PIK3C3: variants seen among roughly 807,000 people sequenced by gnomAD.
PIK3C3 encodes phosphatidylinositol 3-kinase catalytic subunit type 3.
PIK3C3 carries 95 observed loss-of-function variants against 126.1 expected under a neutral mutation model. That is an observed-to-expected ratio of 0.75 (90% CI 0.64 to 0.89). PIK3C3 has a LOEUF of 0.89. Among genes scored for constraint, PIK3C3 ranks in the 40% least tolerant of loss-of-function variants. PIK3C3 has a pLI of 0.00. For synonymous variants in PIK3C3, 374 were observed against 360.0 expected (o/e 1.04, Z -0.44); for missense variants, 829 against 1,063.2 (o/e 0.78, Z 3.06).
chr18:42,055,263 C>T (rs1985013168), intron 21 of PIK3C3, among the ~76,000 whole-genome samples: 1 of 152,032 alleles, frequency 6.6e-6, no homozygotes, highest in Admixed American at 6.6e-5. Flanking sequence ...CATGCCAGCT[C>T]CTTTTCGCCT....
At position 42,083,436 on chromosome 18, in the gene PIK3C3, G is replaced by GT. The variant is rs1342415155; in HGVS notation, c.*2300dup. The stretch of plus-strand genomic sequence containing the variant: ...GATTTCTGAGAGGAGAAGAGAGAAT[G>GT]TAGATGGCAGTTATTGAGAGTGGGG... On this transcript the variant is annotated 3_prime_UTR_variant, in exon 25 of 25. Transcript: ENST00000262039. 2 of 152,164 alleles carry GT rather than the reference G, an allele frequency of 1.3e-5. No individual in the cohort carries two copies. Among genetic ancestry groups the GT allele is most frequent in the African/African-American group, 4.8e-5 (2 of 41,436 alleles). The allele number at this position is 152,164 out of a possible 1,614,324, so 9.4% of individuals were successfully genotyped here. A position where few individuals can be genotyped will look rare whatever the true frequency, so the allele number is the denominator to read the frequency against.
Position 42,046,182 on chromosome 18 carries a change from T to G in PIK3C3, c.2188+2365T>G, listed in dbSNP as rs139186110. Among the ~76,000 whole-genome samples the G allele has an allele frequency of 2.3e-3, 348 of 152,324 alleles. 2 individuals carry two copies. Among genetic ancestry groups the G allele is most frequent in the Non-Finnish European group, 3.8e-3 (257 of 68,000 alleles). The stretch of plus-strand genomic sequence containing the variant: ...TTTTCCAACATTTCACATGTATTCA[T>G]TCCTCTGTAAGTGATTTAATGGTAG... On this transcript the variant is annotated intron_variant, in intron 20 of 24. Transcript: ENST00000262039.
chr18:42,072,970 T>C (rs1346691274), intron 24 of PIK3C3, among the ~76,000 whole-genome samples: 1 of 152,202 alleles, frequency 6.6e-6, no homozygotes, highest in Non-Finnish European at 1.5e-5. Flanking sequence ...TTCCTGTTTC[T>C]GCTTCTCCCT....
At chr18:42,040,342 T>C (rs544680068) in intron 18 of PIK3C3, among the ~76,000 whole-genome samples, 5 of 152,212 alleles carry the variant, frequency 3.3e-5, no homozygotes, top group African/African-American at 1.2e-4. Context: ...TGGAATATTT[T>C]AATTGGTATA....
rs1333455731 is a variant in PIK3C3, at chr18:41,990,404, C to T, written c.619-55C>T. On this transcript the variant is annotated intron_variant, in intron 5 of 24. Transcript: ENST00000262039. Reference sequence around the variant, plus strand: ...TTAGGAAAAATGATACATACTGATCCTTTAAGAGAATGTTGAAAATAATCA... The same window carrying T: ...TTAGGAAAAATGATACATACTGATCTTTTAAGAGAATGTTGAAAATAATCA... The T allele has an allele frequency of 4.0e-6, 4 of 999,206 alleles. No homozygotes were observed. The East Asian group carries it at 7.3e-5, about 18-fold the overall frequency. 61.9% of individuals were successfully genotyped at this position (999,206 alleles called of 1,614,324 possible). A position where few individuals can be genotyped will look rare whatever the true frequency, so the allele number is the denominator to read the frequency against.
chr18:42,061,924 A>T (rs1434056212), intron 22 of PIK3C3, among the ~76,000 whole-genome samples: 1 of 151,776 alleles, frequency 6.6e-6, no homozygotes, highest in Non-Finnish European at 1.5e-5. Flanking sequence ...TTTTTTTTTA[A>T]CATTGATCCT....
chr18:41,985,536 T>G (rs1365587345), intron 4 of PIK3C3, among the ~76,000 whole-genome samples: 4 of 152,198 alleles, frequency 2.6e-5, no homozygotes, highest in Admixed American at 2.6e-4. Flanking sequence ...CAGATTTTTC[T>G]CATTCTTTTT....
chr18:41,969,201 T>C (rs1316847821), intron 3 of PIK3C3, among the ~76,000 whole-genome samples: 1 of 152,158 alleles, frequency 6.6e-6, no homozygotes, highest in Non-Finnish European at 1.5e-5. Flanking sequence ...CACACACTTC[T>C]AGTTTTTTTC....
At chr18:42,006,283 C>T (rs1321564274) in intron 10 of PIK3C3, among the ~76,000 whole-genome samples, 1 of 145,478 alleles carries the variant, frequency 6.9e-6, no homozygotes, top group Non-Finnish European at 1.5e-5. Context: ...TGCAGTATAG[C>T]ACCCTCCTGG....
At chr18:42,048,160 A>G (rs1238128999) in intron 20 of PIK3C3, among the ~76,000 whole-genome samples, 1 of 152,202 alleles carries the variant, frequency 6.6e-6, no homozygotes, top group Non-Finnish European at 1.5e-5. Context: ...AACATAATGT[A>G]CCTATAGTGA....
intron 13 of PIK3C3, chr18:42,026,376 T>C (rs1388915555): frequency 6.6e-6 from 1 of 152,220 alleles, no homozygotes; most frequent in Admixed American, 6.5e-5. Flanking sequence ...TATTAACATA[T>C]TGCTCACAGG....
rs1358862388 is a variant in PIK3C3 at position 42,001,241 on chromosome 18, A to G, written c.985-3115A>G. ...AATAACTGATAATAAACTATTTACT[A>G]TAGGATACTGTTACAAACATTTTAC... On this transcript the variant is annotated intron_variant, in intron 9 of 24. Coordinates refer to ENST00000262039, the MANE Select transcript of PIK3C3 (RefSeq NM_002647.4). 3.3e-5 allele frequency among the ~76,000 whole-genome samples: 5 copies of G among 152,228 alleles called. No individual in the cohort carries two copies. In the South Asian group the frequency reaches 6.2e-4, roughly 19 times the overall value.
chr18:42,004,021 G>A (rs1982419048), intron 9 of PIK3C3, among the ~76,000 whole-genome samples: 1 of 152,168 alleles, frequency 6.6e-6, no homozygotes, highest in South Asian at 2.1e-4. Context: ...GCATCTTAGA[G>A]TTCGTGAGAA....
intron 10 of PIK3C3, among the ~76,000 whole-genome samples, chr18:42,005,305 A>G (rs142951818): frequency 1.6e-3 from 237 of 152,340 alleles, no homozygotes; most frequent in Admixed American, 3.5e-3. Context: ...TTGTAACGCA[A>G]TGCTAAGTAT....
intron 10 of PIK3C3, 116 bp downstream of exon 10, chr18:42,004,657 G>C: frequency 2.6e-6 from 2 of 764,824 alleles, no homozygotes; most frequent in Middle Eastern, 2.6e-4. Context: ...ACATGCAAGA[G>C]AGATTTTTAG....
At position 42,068,885 on chromosome 18, in the gene PIK3C3, G is replaced by C. The variant is rs545728898; in HGVS notation, c.2649+1372G>C. Among the ~76,000 whole-genome samples the C allele has an allele frequency of 1.3e-3, 201 of 151,436 alleles. 1 individual carries two copies. Among genetic ancestry groups the C allele is most frequent in the African/African-American group, 4.6e-3 (188 of 41,304 alleles). ...GAATGGCATGAACCTGGGAGGCGGA[G>C]GTTGCGGTGAGCTGAGATTGTGCCA... On this transcript the variant is annotated intron_variant, in intron 24 of 24. Coordinates refer to ENST00000262039, the MANE Select transcript of PIK3C3 (RefSeq NM_002647.4).
At chr18:41,980,073 A>G (rs1053458111) in intron 4 of PIK3C3, among the ~76,000 whole-genome samples, 1 of 152,142 alleles carries the variant, frequency 6.6e-6, no homozygotes, top group Admixed American at 6.6e-5. Flanking sequence ...TTACTTTAAC[A>G]GAATAAATTG....
At chr18:42,067,744 T>C (rs1985604099) in intron 24 of PIK3C3, among the ~76,000 whole-genome samples, 1 of 152,254 alleles carries the variant, frequency 6.6e-6, no homozygotes, top group African/African-American at 2.4e-5. Context: ...ATAGGTATTT[T>C]TGTTCTTTGC....
chr18:42,066,927 A>G (rs188231344), intron 23 of PIK3C3, among the ~76,000 whole-genome samples: 6 of 152,278 alleles, frequency 3.9e-5, no homozygotes, highest in African/African-American at 1.2e-4. Context: ...CTGTTCTCAT[A>G]TAGACACTGA....
Sources: allele counts gnomAD v4.1 joint callset (sites outside exome capture counted in the v4.1 genomes callset), GRCh38; gene constraint gnomAD v4.1.1; transcripts MANE v1.5; gene names NCBI Gene and HGNC (gene_info 2026-07-23, HGNC 2026-07-21).